Variants in NMNAT3 observed in about 807,000 individuals in gnomAD.
The protein encoded by NMNAT3 is nicotinamide nucleotide adenylyltransferase 3.
Under a neutral mutation model 24.8 loss-of-function variants are expected in NMNAT3, and 21 were observed. That is an observed-to-expected ratio of 0.85 (90% confidence interval 0.60 to 1.22). The LOEUF is 1.22. Ranked by LOEUF, NMNAT3 falls within the 50% of genes most tolerant of loss-of-function variation. The pLI is 0.00. For missense variants in NMNAT3, 387 were observed against 436.6 expected (o/e 0.89, Z 1.01); for synonymous variants, 136 against 155.2 (o/e 0.88, Z 0.92).
At chr3:139,610,278 T>G (rs996368300) in intron 3 of NMNAT3, among the ~76,000 whole-genome samples, 4 of 152,162 alleles carry the variant, frequency 2.6e-5, no homozygotes, top group African/African-American at 7.2e-5. Context: ...CCATGAAAAT[T>G]TCCTTCTCAG....
At chr3:139,618,492 G>A (rs942668896) in intron 3 of NMNAT3, among the ~76,000 whole-genome samples, 4 of 150,492 alleles carry the variant, frequency 2.7e-5, no homozygotes, top group African/African-American at 9.8e-5. Context: ...AGAGTGCAAG[G>A]CCCAAAAGTA....
At chr3:139,674,546 T>C (rs539790423) in intron 1 of NMNAT3, among the ~76,000 whole-genome samples, 1 of 152,360 alleles carries the variant, frequency 6.6e-6, no homozygotes, top group South Asian at 2.1e-4. Flanking sequence ...GTATGGAAGA[T>C]TTATCGAGAT....
intron 3 of NMNAT3, among the ~76,000 whole-genome samples, chr3:139,627,077 C>A (rs1038440506): frequency 6.6e-6 from 1 of 152,132 alleles, no homozygotes; most frequent in African/African-American, 2.4e-5. Context: ...GTGAAATATC[C>A]TCAGATTATA....
At chr3:139,644,850 A>G (rs910372177) in intron 1 of NMNAT3, among the ~76,000 whole-genome samples, 10 of 152,198 alleles carry the variant, frequency 6.6e-5, no homozygotes, top group Non-Finnish European at 1.5e-4. Context: ...TAGTGAAAAG[A>G]CACAGAAGGC....
rs1238104544 is a variant in NMNAT3, at chr3:139,583,117, C to G, written c.201G>C (p.Arg67Ser). ...TTTTGCTGCTAACATTATTTTGAAT[C>G]CTTTTTTGCAGATGAAAAGAAATAT... is the stretch of plus-strand genomic sequence containing the variant. The change falls in exon 4 of 7, where the codon AGG (arginine) becomes AGC (serine). Residue 67 changes from arginine to serine, a missense_variant. By Grantham distance (110) the Arg-to-Ser change is moderately radical (BLOSUM62 -1). Transcript: ENST00000643695. 1 of 1,529,792 alleles carries G rather than the reference C, an allele frequency of 6.5e-7. No homozygotes were observed. Among genetic ancestry groups the G allele is most frequent in the African/African-American group, 1.4e-5 (1 of 72,708 alleles). The allele number at this position is 1,529,792 out of a possible 1,614,324, so 94.8% of individuals were successfully genotyped here.
rs560305296 is a variant in NMNAT3, at chr3:139,615,978, C to T, written c.109+11638G>A. ...CCCTTGTTATTATGACAAATAATCT[C>T]TCCTTGTTCTTATACATTCAACCTC... On this transcript the variant is annotated intron_variant, in intron 3 of 6. Transcript: ENST00000643695. Among the ~76,000 whole-genome samples, 4 of 152,292 alleles carry T rather than the reference C, an allele frequency of 2.6e-5. No homozygotes were observed. The South Asian group carries it at 8.3e-4, about 32-fold the overall frequency.
chr3:139,619,416 T>C (rs1314403732), intron 3 of NMNAT3, among the ~76,000 whole-genome samples: 3 of 152,140 alleles, frequency 2.0e-5, no homozygotes, highest in Non-Finnish European at 4.4e-5. Context: ...TGACAGAAAT[T>C]ATATATAATA....
intron 3 of NMNAT3, among the ~76,000 whole-genome samples, chr3:139,585,133 G>C (rs1168493692): frequency 2.0e-5 from 3 of 152,090 alleles, no homozygotes; most frequent in Non-Finnish European, 4.4e-5. Flanking sequence ...TATCCTTGCT[G>C]ATTTTCTGTC....
intron 1 of NMNAT3, among the ~76,000 whole-genome samples, chr3:139,673,864 G>C (rs907803118): frequency 1.3e-5 from 2 of 151,960 alleles, no homozygotes; most frequent in African/African-American, 4.8e-5. Context: ...CAAAGCTGTG[G>C]AAGTGCTCAC....
chr3:139,605,404 A>G (rs1289065175), intron 3 of NMNAT3, among the ~76,000 whole-genome samples: 1 of 152,166 alleles, frequency 6.6e-6, no homozygotes, highest in East Asian at 1.9e-4. Flanking sequence ...GTATAAACCC[A>G]CTTCACAATG....
chr3:139,567,550 T>C (rs1576502533), intron 6 of NMNAT3: 1 of 152,346 alleles, frequency 6.6e-6, no homozygotes, highest in Admixed American at 6.5e-5. Flanking sequence ...ACCTAATTTA[T>C]TGAGAGTTTT....
chr3:139,625,528 TTCTTACAG>T (rs2056012722), intron 3 of NMNAT3, among the ~76,000 whole-genome samples: 1 of 152,204 alleles, frequency 6.6e-6, no homozygotes, highest in Admixed American at 6.5e-5. Context: ...TACCTTTAAC[TTCTTACAG>T]TCTATCTTTA....
intron 6 of NMNAT3, chr3:139,568,615 G>C (rs1343621922): frequency 6.6e-6 from 1 of 152,204 alleles, no homozygotes. Flanking sequence ...TAGTCATTCA[G>C]GAGCAGGTTG....
intron 2 of NMNAT3, among the ~76,000 whole-genome samples, chr3:139,630,382 T>C (rs1182824092): frequency 6.6e-6 from 1 of 152,188 alleles, no homozygotes; most frequent in Non-Finnish European, 1.5e-5. Context: ...GATACAAGTG[T>C]CTGGGACTTG....
intron 4 of NMNAT3, among the ~76,000 whole-genome samples, chr3:139,582,736 AC>A: frequency 6.6e-6 from 1 of 151,144 alleles, no homozygotes; most frequent in Non-Finnish European, 1.5e-5. Flanking sequence ...CAATTGGTCA[AC>A]AAAAAATATA....
chr3:139,623,437 C>CA (rs2055892252), intron 3 of NMNAT3, among the ~76,000 whole-genome samples: 1 of 151,312 alleles, frequency 6.6e-6, no homozygotes, highest in Non-Finnish European at 1.5e-5. Context: ...TTACAGTTAA[C>CA]TTTTTTTTTA....
At chr3:139,603,280 G>A (rs529806241) in intron 3 of NMNAT3, among the ~76,000 whole-genome samples, 172 of 152,312 alleles carry the variant, frequency 1.1e-3, no homozygotes, top group African/African-American at 3.8e-3. Context: ...CTGGATGAGT[G>A]TTCACAGGAC....
intron 5 of NMNAT3, among the ~76,000 whole-genome samples, chr3:139,574,715 C>G (rs1487612957): frequency 6.6e-6 from 1 of 152,176 alleles, no homozygotes; most frequent in African/African-American, 2.4e-5. Flanking sequence ...CATTGATACT[C>G]TCAGAGCCAC....
intron 1 of NMNAT3, among the ~76,000 whole-genome samples, chr3:139,671,155 A>G (rs1015709327): frequency 1.3e-5 from 2 of 152,252 alleles, no homozygotes; most frequent in African/African-American, 4.8e-5. Context: ...AAAGCTTGAT[A>G]TATGAAAAAG....
Sources: gnomAD v4.1 joint callset for allele counts (sites outside exome capture counted in the v4.1 genomes callset) on GRCh38, gnomAD v4.1.1 for gene constraint, MANE v1.5 for transcripts, NCBI Gene and HGNC (gene_info 2026-07-23, HGNC 2026-07-21) for gene names.